Variants in COBL observed in about 807,000 individuals in gnomAD.
COBL encodes cordon-bleu WH2 repeat protein.
In COBL, 51 loss-of-function variants were observed where a neutral mutation model predicts 98.8. The observed-to-expected ratio is 0.52, with a 90% CI of 0.41 to 0.65. The LOEUF is 0.65. Among genes scored for constraint, COBL ranks in the 30% least tolerant of loss-of-function variants. COBL has a pLI of 0.00. For synonymous variants in COBL, 634 were observed against 651.7 expected (o/e 0.97, Z 0.41); for missense variants, 1,617 against 1,617.5 (o/e 1.00, Z 0.01).
chr7:51,140,801 G>A (rs866681789), intron 5 of COBL, among the ~76,000 whole-genome samples: 2 of 152,100 alleles, frequency 1.3e-5, no homozygotes, highest in Admixed American at 6.6e-5. Context: ...CACAGGTACC[G>A]CAGAGAACAC....
intron 2 of COBL, among the ~76,000 whole-genome samples, chr7:51,200,803 T>C (rs1791046472): frequency 6.6e-6 from 1 of 152,136 alleles, no homozygotes; most frequent in African/African-American, 2.4e-5. Flanking sequence ...TCAAATGTAC[T>C]AAACTCTCCA....
rs10608547 is a variant in COBL at position 51,142,383 on chromosome 7, A to AT, written c.784-6053dup. Among the ~76,000 whole-genome samples, 406 of 71,240 alleles carry AT rather than the reference A, an allele frequency of 5.7e-3. 3 individuals are homozygous for AT. Among genetic ancestry groups the AT allele is most frequent in the East Asian group, 0.015 (48 of 3,244 alleles). The allele number at this position is 71,240 out of a possible 152,430, so 46.7% of individuals were successfully genotyped here. A position where few individuals can be genotyped will look rare whatever the true frequency, so the allele number is the denominator to read the frequency against. Reference sequence around the variant, plus strand: ...ACAAAGAGTATCCAACTGGTATTTGATTTTTTTTTTTTTTTTTTTTTTTTG... The same window carrying AT: ...ACAAAGAGTATCCAACTGGTATTTGATTTTTTTTTTTTTTTTTTTTTTTTTG... On this transcript the variant is annotated intron_variant, in intron 5 of 12. Coordinates refer to ENST00000265136, the MANE Select transcript of COBL (RefSeq NM_015198.5).
At chr7:51,103,251 T>C (rs1795968356) in intron 6 of COBL, among the ~76,000 whole-genome samples, 1 of 152,224 alleles carries the variant, frequency 6.6e-6, no homozygotes, top group Non-Finnish European at 1.5e-5. Flanking sequence ...TTTTTTCACA[T>C]ATTAGGATTA....
chr7:51,018,903 AAAATATATATATATATATATAT>A (rs1186323963), intron 12 of COBL, among the ~76,000 whole-genome samples: 2 of 57,224 alleles, frequency 3.5e-5, no homozygotes, highest in African/African-American at 1.6e-4. Flanking sequence ...AAAAAAAAAA[AAAATATATATATATATATATAT>A]ATATATATAT....
intron 6 of COBL, among the ~76,000 whole-genome samples, chr7:51,120,398 C>T (rs944438045): frequency 1.2e-4 from 18 of 151,958 alleles, no homozygotes; most frequent in African/African-American, 4.1e-4. Context: ...CTATATTTAC[C>T]ATATTTAAGT....
At chr7:51,142,752 G>T (rs183780012) in intron 5 of COBL, among the ~76,000 whole-genome samples, 1 of 152,288 alleles carries the variant, frequency 6.6e-6, no homozygotes, top group East Asian at 1.9e-4. Context: ...CAGTATTTCA[G>T]TCTTATGAAG....
At position 51,029,349 on chromosome 7, in the gene COBL, G is replaced by A. The variant is rs779734534; in HGVS notation, c.1747C>T (p.Gln583Ter). 6.2e-7 allele frequency: 1 copy of A among 1,605,512 alleles called. No homozygotes were observed. The highest frequency in any genetic ancestry group is 1.1e-5 in the South Asian group (1 of 89,648). The change falls in exon 10 of 13, where the codon CAA becomes TAA. Residue 583 changes from glutamine to a stop codon, truncating the protein, a stop_gained. Coordinates refer to ENST00000265136, the MANE Select transcript of COBL (RefSeq NM_015198.5). LOFTEE classifies it high-confidence loss of function. ...ASRRDSLAPL[Q>*]AEHSQPHEKA... The stretch of plus-strand genomic sequence containing the variant: ...TCATGGGGCTGGCTGTGCTCAGCTT[G>A]AAGTGGCGCCAGGGAGTCTCTCCTG...
At chr7:51,077,144 T>C (rs138969634) in intron 7 of COBL, among the ~76,000 whole-genome samples, 1 of 152,300 alleles carries the variant, frequency 6.6e-6, no homozygotes, top group Non-Finnish European at 1.5e-5. Flanking sequence ...TGCACACAAC[T>C]GTATTGGTTT....
In COBL at chr7:51,213,541, C is replaced by T. The variant is rs74297341; in HGVS notation, c.245+6200G>A. Among the ~76,000 whole-genome samples, 68 of 152,186 alleles carry T rather than the reference C, an allele frequency of 4.5e-4. 1 individual carries two copies. In the East Asian group the frequency reaches 0.011, roughly 25 times the overall value. On this transcript the variant is annotated intron_variant, in intron 2 of 12. Transcript: ENST00000265136. ...CTGCACTACAGGCAGTTCGTGCTGA[C>T]GGGGCCCTACACAAAGGGACACATC...
chr7:51,161,574 T>C (rs1786809778), intron 5 of COBL, among the ~76,000 whole-genome samples: 1 of 152,208 alleles, frequency 6.6e-6, no homozygotes, highest in Non-Finnish European at 1.5e-5. Context: ...TTTCTGTCAC[T>C]GCCTGAACAG....
intron 6 of COBL, among the ~76,000 whole-genome samples, chr7:51,118,530 C>T (rs1797477373): frequency 6.6e-6 from 1 of 151,844 alleles, no homozygotes; most frequent in South Asian, 2.1e-4. Flanking sequence ...GAGTGACATC[C>T]CATCATCTTT....
intron 10 of COBL, 44 bp from the exon 11 acceptor site, chr7:51,026,709 A>C: frequency 6.3e-7 from 1 of 1,598,122 alleles, no homozygotes; most frequent in Non-Finnish European, 8.6e-7. Flanking sequence ...GAACATGGAG[A>C]AATGTGAACT....
In COBL at chr7:51,190,801, C is replaced by T. The variant is rs757909311; in HGVS notation, c.685+49G>A. The T allele has an allele frequency of 9.5e-5, 140 of 1,471,582 alleles. 1 individual carries two copies. In the South Asian group the frequency reaches 1.4e-3, roughly 15 times the overall value. 91.2% of individuals were successfully genotyped at this position (1,471,582 alleles called of 1,614,324 possible). On this transcript the variant is annotated intron_variant, in intron 4 of 12. Transcript: ENST00000265136. ...GCCAACAGGGGACATGTACACGCCG[C>T]GCATCCGTGTGATTATGGGCAGGTG... is the stretch of plus-strand genomic sequence containing the variant.
intron 5 of COBL, chr7:51,156,583 T>C: frequency 1.0e-6 from 1 of 985,124 alleles, no homozygotes; most frequent in Non-Finnish European, 1.2e-6. Flanking sequence ...AATAAAAGAA[T>C]TCTCTGATCC....
rs1040406602 is a variant in COBL at position 51,188,049 on chromosome 7, G to T, written c.685+2801C>A. The T allele has an allele frequency of 4.0e-5, 42 of 1,053,348 alleles. No individual in the cohort carries two copies. The Middle Eastern group carries it at 1.7e-3, about 43-fold the overall frequency. The allele number at this position is 1,053,348 out of a possible 1,614,324, so 65.3% of individuals were successfully genotyped here. A position where few individuals can be genotyped will look rare whatever the true frequency, so the allele number is the denominator to read the frequency against. ...GCCTTGGCCCTCACAAGCCTCAGAG[G>T]GGGGCTGTCCTGCTGCAGCAGTGAG... On this transcript the variant is annotated intron_variant, in intron 4 of 12. Coordinates refer to ENST00000265136, the MANE Select transcript of COBL (RefSeq NM_015198.5).
intron 1 of COBL, among the ~76,000 whole-genome samples, chr7:51,275,567 C>T (rs1449933673): frequency 2.0e-5 from 3 of 152,094 alleles, no homozygotes; most frequent in Admixed American, 6.5e-5. Context: ...TCAAGGCACC[C>T]TCAGCAACAG....
intron 6 of COBL, among the ~76,000 whole-genome samples, chr7:51,106,942 A>G (rs1237150371): frequency 2.0e-5 from 3 of 152,170 alleles, no homozygotes; most frequent in Non-Finnish European, 4.4e-5. Flanking sequence ...GTTTATTTTC[A>G]TTACAAATTG....
intron 1 of COBL, among the ~76,000 whole-genome samples, chr7:51,315,175 T>C (rs760329848): frequency 4.0e-5 from 6 of 151,394 alleles, no homozygotes; most frequent in Non-Finnish European, 8.8e-5. Flanking sequence ...CCTATTACCA[T>C]GAAAAAGGAT....
intron 7 of COBL, among the ~76,000 whole-genome samples, chr7:51,068,034 G>A (rs1452816080): frequency 3.9e-5 from 6 of 152,196 alleles, no homozygotes; most frequent in Non-Finnish European, 8.8e-5. Flanking sequence ...CCTAGCCCCA[G>A]CCTGGCAGCT....
Sources: gnomAD v4.1 joint callset for allele counts (sites outside exome capture counted in the v4.1 genomes callset) on GRCh38, gnomAD v4.1.1 for gene constraint, MANE v1.5 for transcripts, NCBI Gene and HGNC (gene_info 2026-07-23, HGNC 2026-07-21) for gene names.